Variants in HLCS observed in about 807,000 individuals in gnomAD.
HLCS encodes holocarboxylase synthetase, also known as biotin--protein ligase.
In HLCS, 53 loss-of-function variants were observed where a neutral mutation model predicts 75.0. The ratio of observed to expected loss-of-function variants is 0.71; its 90% CI spans 0.57 to 0.89. HLCS has a LOEUF of 0.89. Ranked by LOEUF, HLCS falls within the 40% of genes least tolerant of loss-of-function variation. The pLI, the probability that HLCS is intolerant of heterozygous loss-of-function variation, is 0.00. For synonymous variants in HLCS, 431 were observed against 428.6 expected (o/e 1.01, Z -0.07); for missense variants, 966 against 1,074.0 (o/e 0.90, Z 1.41).
At chr21:36,967,549 A>G (rs910590605), upstream of HLCS, among the ~76,000 whole-genome samples, 11 of 152,226 alleles carry the variant, frequency 7.2e-5, no homozygotes, top group Non-Finnish European at 1.2e-4. Context: ...CTTCTCCCAT[A>G]GAACCTCATT....
chr21:36,764,931 T>C lies in HLCS; in HGVS notation c.2121+81A>G, dbSNP rs2145767338. ...GCTGAGGTTCTACAGCCACCAATTA[T>C]GCAAGCACATGCTATAAACAAGAAT... On this transcript the variant is annotated intron_variant, in intron 8 of 10. Coordinates refer to ENST00000674895, the MANE Select transcript of HLCS (RefSeq NM_001352514.2). 3 of 1,478,592 alleles carry C rather than the reference T, an allele frequency of 2.0e-6. 1 individual carries two copies. In the South Asian group the frequency reaches 3.4e-5, roughly 17 times the overall value. The allele number at this position is 1,478,592 out of a possible 1,614,324, so 91.6% of individuals were successfully genotyped here.
intron 6 of HLCS, among the ~76,000 whole-genome samples, chr21:36,892,784 A>C (rs2064846718): frequency 1.3e-5 from 2 of 152,188 alleles, no homozygotes; most frequent in Non-Finnish European, 2.9e-5. Flanking sequence ...GATTTTGTAA[A>C]TCATATGATC....
At chr21:36,886,293 C>T (rs577071967) in intron 6 of HLCS, among the ~76,000 whole-genome samples, 16 of 151,918 alleles carry the variant, frequency 1.1e-4, no homozygotes, top group African/African-American at 3.6e-4. Flanking sequence ...ATTAGCCGGG[C>T]GTGGTAGCAG....
At chr21:36,957,646 C>T (rs1376517291) in intron 2 of HLCS, among the ~76,000 whole-genome samples, 1 of 151,928 alleles carries the variant, frequency 6.6e-6, no homozygotes, top group South Asian at 2.1e-4. Context: ...GAAAATTAGC[C>T]CTGAATTGGC....
intron 5 of HLCS, among the ~76,000 whole-genome samples, chr21:36,904,695 G>A (rs187900307): frequency 6.6e-6 from 1 of 152,144 alleles, no homozygotes; most frequent in Non-Finnish European, 1.5e-5. Context: ...AATTCTGGTT[G>A]TAAGAAATAC....
chr21:36,768,915 A>C (rs879372527), intron 6 of HLCS, among the ~76,000 whole-genome samples: 5 of 151,842 alleles, frequency 3.3e-5, no homozygotes, highest in Non-Finnish European at 7.4e-5. Context: ...GGGTCCAGCA[A>C]CCCTCCACCT....
chr21:36,755,652 G>A (rs1054790687), intron 10 of HLCS, among the ~76,000 whole-genome samples: 3 of 152,062 alleles, frequency 2.0e-5, no homozygotes, highest in Admixed American at 6.5e-5. Context: ...TGCCTCTTTC[G>A]TCTTCTCTAA....
At chr21:36,921,077 G>A (rs1469115500) in intron 5 of HLCS, among the ~76,000 whole-genome samples, 3 of 152,208 alleles carry the variant, frequency 2.0e-5, no homozygotes, top group Non-Finnish European at 4.4e-5. Flanking sequence ...ATTCATTTTT[G>A]TTCAGAGAAG....
At chr21:36,771,638 T>C (rs1229031955) in intron 6 of HLCS, among the ~76,000 whole-genome samples, 1 of 152,162 alleles carries the variant, frequency 6.6e-6, no homozygotes, top group Non-Finnish European at 1.5e-5. Flanking sequence ...CGGACACTTT[T>C]AGGTGATTTA....
chr21:36,919,690 A>C (rs908242787), intron 5 of HLCS, among the ~76,000 whole-genome samples: 1 of 152,252 alleles, frequency 6.6e-6, no homozygotes, highest in African/African-American at 2.4e-5. Flanking sequence ...TGAGGCTGCT[A>C]TATAGTGTAT....
intron 6 of HLCS, among the ~76,000 whole-genome samples, chr21:36,877,875 C>A (rs1338738964): frequency 6.6e-6 from 1 of 152,150 alleles, no homozygotes; most frequent in East Asian, 1.9e-4. Context: ...AGTTTATCTT[C>A]CTTGAGCCCT....
rs1034615411 is a variant in HLCS at position 36,749,755 on chromosome 21, A to C, written c.*4491T>G. ...GAAAGGTGTAGGTTTGATTACTAGG[A>C]GATACCACCGACATTTTTCAATAAA... On this transcript the variant is annotated 3_prime_UTR_variant, in exon 11 of 11. Coordinates refer to ENST00000674895, the MANE Select transcript of HLCS (RefSeq NM_001352514.2). 1 of 152,116 alleles carries C rather than the reference A, an allele frequency of 6.6e-6. No individual in the cohort carries two copies. Among genetic ancestry groups the C allele is most frequent in the African/African-American group, 2.4e-5 (1 of 41,430 alleles). 9.4% of individuals were successfully genotyped at this position (152,116 alleles called of 1,614,324 possible).
intron 6 of HLCS, among the ~76,000 whole-genome samples, chr21:36,779,145 T>A (rs1400590163): frequency 1.7e-4 from 3 of 17,560 alleles, no homozygotes. Context: ...GGAACCTGAG[T>A]ACACAAAAAA....
chr21:36,950,455 G>A (rs573350510), intron 2 of HLCS, among the ~76,000 whole-genome samples: 8 of 150,284 alleles, frequency 5.3e-5, no homozygotes, highest in African/African-American at 1.2e-4. Context: ...AGAAAGTCAC[G>A]GGAGAACCAA....
intron 7 of HLCS, among the ~76,000 whole-genome samples, chr21:36,766,288 G>A (rs1714363669): frequency 1.3e-5 from 2 of 152,084 alleles, no homozygotes. Context: ...CTCTCAAAGT[G>A]GTGGGATTAT....
At chr21:36,835,852 G>A (rs953560081) in intron 6 of HLCS, among the ~76,000 whole-genome samples, 1 of 152,090 alleles carries the variant, frequency 6.6e-6, no homozygotes, top group African/African-American at 2.4e-5. Context: ...CATGTCAGAG[G>A]TGATGCTCTT....
chr21:36,989,274 G>A (rs1430793010), intron 1 of HLCS, among the ~76,000 whole-genome samples: 7 of 143,160 alleles, frequency 4.9e-5, no homozygotes, highest in African/African-American at 1.6e-4. Flanking sequence ...GCCTCCCAGC[G>A]TGCTGGGATT....
chr21:36,816,395 CA>C (rs34407031), intron 6 of HLCS, among the ~76,000 whole-genome samples: 3,345 of 141,730 alleles, frequency 0.024, 83 homozygotes, highest in African/African-American at 0.069. Flanking sequence ...GACCCTATCT[CA>C]AAAAAAAAAA....
chr21:36,764,911 G>A, intron 8 of HLCS, 101 bp downstream of exon 8: 1 of 1,304,900 alleles, frequency 7.7e-7, no homozygotes, highest in Admixed American at 1.7e-5. Context: ...GGTAGGCTGA[G>A]GTTCTACAGC....
Sources: gnomAD v4.1 joint callset for allele counts (sites outside exome capture counted in the v4.1 genomes callset) on GRCh38, gnomAD v4.1.1 for gene constraint, MANE v1.5 for transcripts, NCBI Gene and HGNC (gene_info 2026-07-23, HGNC 2026-07-21) for gene names.